Variants in MUS81 observed in about 807,000 individuals in gnomAD.
The protein encoded by MUS81 is MUS81 structure-specific endonuclease subunit, also known as structure-specific endonuclease subunit MUS81.
A neutral mutation model predicts 74.2 loss-of-function variants in MUS81; 69 were observed. That is an observed-to-expected ratio of 0.93 (90% CI 0.77 to 1.14). The LOEUF (loss-of-function observed/expected upper bound fraction) is 1.14. Among genes scored for constraint, MUS81 ranks in the 50% most tolerant of loss-of-function variants. MUS81 has a pLI of 0.00. For missense variants in MUS81, 711 were observed against 726.5 expected (o/e 0.98, Z 0.25); for synonymous variants, 303 against 300.6 (o/e 1.01, Z -0.08).
chr11:65,867,042 C>T (rs757637822), downstream of MUS81: 12 of 1,614,182 alleles, frequency 7.4e-6, no homozygotes, highest in Middle Eastern at 1.6e-4. Context: ...CGTCACCGGC[C>T]GGGCGAGGAC....
chr11:65,864,928 G>A, intron 12 of MUS81, 89 bp from the exon 13 acceptor site: 2 of 1,584,922 alleles, frequency 1.3e-6, no homozygotes, highest in Non-Finnish European at 1.7e-6. Flanking sequence ...CATTTCTCAG[G>A]CTGGCCCCCC....
Position 65,863,586 on chromosome 11 carries a change from C to G in MUS81, c.840-14C>G, listed in dbSNP as rs755562487. 1 of 1,613,848 alleles carries G rather than the reference C, an allele frequency of 6.2e-7. No homozygotes were observed. Among genetic ancestry groups the G allele is most frequent in the Non-Finnish European group, 8.5e-7 (1 of 1,179,958 alleles). On this transcript the variant is annotated splice_polypyrimidine_tract_variant and intron_variant, in intron 8 of 15. Coordinates refer to ENST00000308110, the MANE Select transcript of MUS81 (RefSeq NM_025128.5). ...GCCCTGCTCTGATCTAGGCTTCCCT[C>G]CTTGCCACTCCAGGGGCGGGCACAG...
At chr11:65,861,868 AG>A in intron 3 of MUS81, 78 bp from the exon 4 acceptor site, 9 of 1,145,930 alleles carry the variant, frequency 7.9e-6, no homozygotes, top group Non-Finnish European at 1.1e-5. Context: ...TGACTTACCC[AG>A]GGCCACAAAG....
Position 65,862,202 on chromosome 11 carries a change from TG to T in MUS81, c.451-7del. 15 of 1,613,376 alleles carry T rather than the reference TG, an allele frequency of 9.3e-6. No individual in the cohort carries two copies. Among genetic ancestry groups the T allele is most frequent in the Non-Finnish European group, 1.2e-5 (14 of 1,179,926 alleles). On this transcript the variant is annotated splice_polypyrimidine_tract_variant and splice_region_variant and intron_variant, in intron 4 of 15. Transcript: ENST00000308110. ...TGAGCCTACCCTGTCTTTTCTACCT[TG>T]GTTTCAGAATCCTAATGGTCACCAC...
intron 6 of MUS81, 117 bp from the exon 7 acceptor site, chr11:65,862,948 G>C: frequency 2.3e-6 from 3 of 1,320,936 alleles, no homozygotes; most frequent in Non-Finnish European, 3.2e-6. Context: ...GAGCCACTGG[G>C]GTCATTTGTG....
At position 65,866,229 on chromosome 11, in the gene MUS81, C is replaced by G; in HGVS notation, c.*177C>G. On this transcript the variant is annotated 3_prime_UTR_variant, in exon 16 of 16. Coordinates refer to ENST00000308110, the MANE Select transcript of MUS81 (RefSeq NM_025128.5). ...AATACGCAGGAACCAGGGATACCAT[C>G]TGGTCCAGTGGTTTTTAAACAAAGC... 1.5e-6 allele frequency: 1 copy of G among 649,088 alleles called. No individual in the cohort carries two copies. Among genetic ancestry groups the G allele is most frequent in the Non-Finnish European group, 2.6e-6 (1 of 380,806 alleles). The allele number at this position is 649,088 out of a possible 1,614,324, so 40.2% of individuals were successfully genotyped here. A position where few individuals can be genotyped will look rare whatever the true frequency, so the allele number is the denominator to read the frequency against.
rs1316976167 is a variant in MUS81, at chr11:65,863,794, T to C, written c.962-10T>C. 3.1e-6 allele frequency: 5 copies of C among 1,614,112 alleles called. No individual in the cohort carries two copies. The highest frequency in any genetic ancestry group is 3.4e-6 in the Non-Finnish European group (4 of 1,179,986). On this transcript the variant is annotated splice_polypyrimidine_tract_variant and intron_variant, in intron 9 of 15. Coordinates refer to ENST00000308110, the MANE Select transcript of MUS81 (RefSeq NM_025128.5). Reference sequence around the variant, plus strand: ...AGGGGATCGCAAGCTAACGGCTGGCTTGTCAGCAGCAAACCCTGGGGAGTT... The same window carrying C: ...AGGGGATCGCAAGCTAACGGCTGGCCTGTCAGCAGCAAACCCTGGGGAGTT...
intron 11 of MUS81, 29 bp from the exon 12 acceptor site, chr11:65,864,691 C>G (rs776293690): frequency 1.2e-6 from 2 of 1,613,308 alleles, no homozygotes; most frequent in East Asian, 4.5e-5. Context: ...CCAGGAGCCA[C>G]CTTCCCTCTC....
chr11:65,859,932 G>C, upstream of MUS81: 2 of 195,830 alleles, frequency 1.0e-5, no homozygotes, highest in South Asian at 1.5e-4. Flanking sequence ...AAACCCAACC[G>C]CGTGCCCATC....
intron 2 of MUS81, 37 bp downstream of exon 2, chr11:65,861,139 T>G (rs746126440): frequency 2.5e-6 from 4 of 1,609,998 alleles, no homozygotes; most frequent in Non-Finnish European, 3.4e-6. Context: ...ATCCCCCACC[T>G]CCCCCAGGTG....
At chr11:65,866,842 T>G, downstream of MUS81, 1 of 1,569,720 alleles carries the variant, frequency 6.4e-7, no homozygotes, top group Non-Finnish European at 8.7e-7. Flanking sequence ...CTCCCTTTAT[T>G]GCCTTTCTCA....
In MUS81 at chr11:65,864,615, T is replaced by C; in HGVS notation, c.1176+2T>C. 2 of 1,613,936 alleles carry C rather than the reference T, an allele frequency of 1.2e-6. No homozygotes were observed. The highest frequency in any genetic ancestry group is 2.2e-5 in the South Asian group (2 of 91,088). ...CTGCAGGCTGTCACCAACACTCAGG[T>C]GAGCTGGGAGGGCAGGGCCAGGCAG... On this transcript the variant is annotated splice_donor_variant, in intron 11 of 15. Transcript: ENST00000308110. LOFTEE classifies it high-confidence loss of function.
intron 15 of MUS81, 29 bp from the exon 16 acceptor site, chr11:65,865,957 C>T (rs777172474): frequency 5.0e-6 from 8 of 1,613,830 alleles, no homozygotes; most frequent in South Asian, 4.4e-5. Flanking sequence ...AGGCCCAGGG[C>T]GTGACCCTCG....
intron 2 of MUS81, 39 bp downstream of exon 2, chr11:65,861,141 C>T (rs1859585881): frequency 6.2e-7 from 1 of 1,610,532 alleles, no homozygotes; most frequent in East Asian, 2.2e-5. Flanking sequence ...CCCCCACCTC[C>T]CCCAGGTGGA....
chr11:65,865,957 C>G (rs777172474), intron 15 of MUS81, 29 bp from the exon 16 acceptor site: 3 of 1,613,830 alleles, frequency 1.9e-6, no homozygotes, highest in Non-Finnish European at 2.5e-6. Context: ...AGGCCCAGGG[C>G]GTGACCCTCG....
intron 10 of MUS81, chr11:65,864,163 A>G (rs1001230891): frequency 3.4e-6 from 2 of 590,980 alleles, no homozygotes; most frequent in South Asian, 4.0e-5. Flanking sequence ...AGTCTTGGAT[A>G]AACAAGGCAT....
At position 65,864,660 on chromosome 11, in the gene MUS81, G is replaced by C. The variant is rs377197517; in HGVS notation, c.1176+47G>C. The C allele has an allele frequency of 1.9e-6, 3 of 1,612,962 alleles. No individual in the cohort carries two copies. The Admixed American group carries it at 5.0e-5, about 27-fold the overall frequency. On this transcript the variant is annotated intron_variant, in intron 11 of 15. Transcript: ENST00000308110. ...AGGCAGGCAGGCAGGGGCCCCTGTG[G>C]TCCATGGTTCATGGTCTAGGCCAGG...
At position 65,862,035 on chromosome 11, in the gene MUS81, G is replaced by T. The variant is rs779669908; in HGVS notation, c.440G>T (p.Arg147Leu). 11 of 1,608,038 alleles carry T rather than the reference G, an allele frequency of 6.8e-6. No individual in the cohort carries two copies. Among genetic ancestry groups the T allele is most frequent in the Non-Finnish European group, 9.3e-6 (11 of 1,177,518 alleles). Residue 147 changes from arginine (R) to leucine (L), a missense_variant, in exon 4 of 16, where the codon CGG becomes CTG. Arg to Leu is a moderately radical substitution (Grantham distance 102). Transcript: ENST00000308110. ...GARVILLVLY[R>L]EHLNPNGHHF... ...CGAGTGATACTGCTGGTGCTCTACC[G>T]GGAGCACCTGGTGAGCACTGGGCTA...
In MUS81 at chr11:65,863,813, G is replaced by T; in HGVS notation, c.971G>T (p.Gly324Val). 6.2e-7 allele frequency: 1 copy of T among 1,614,182 alleles called. No individual in the cohort carries two copies. The highest frequency in any genetic ancestry group is 1.7e-5 in the Admixed American group (1 of 60,026). Residue 324 changes from glycine (G) to valine (V), a missense_variant, in exon 10 of 16, where the codon GGG becomes GTG. Gly to Val is a moderately radical substitution (Grantham distance 109, BLOSUM62 -3). Coordinates refer to ENST00000308110, the MANE Select transcript of MUS81 (RefSeq NM_025128.5). ...GCTGGCTTGTCAGCAGCAAACCCTG[G>T]GGAGTTGGTACTGGATCACATTGTG... is the stretch of plus-strand genomic sequence containing the variant. ...ETNPRDPANP[G>V]ELVLDHIVER...
Sources: allele counts gnomAD v4.1 joint callset, GRCh38; gene constraint gnomAD v4.1.1; transcripts MANE v1.5; gene names NCBI Gene and HGNC (gene_info 2026-07-23, HGNC 2026-07-21).